SERGEF: variants seen among roughly 807,000 people sequenced by gnomAD.
SERGEF encodes secretion-regulating guanine nucleotide exchange factor.
SERGEF carries 51 observed loss-of-function variants against 50.0 expected under a neutral mutation model. The observed-to-expected ratio is 1.02, with a 90% CI of 0.81 to 1.29. The LOEUF (loss-of-function observed/expected upper bound fraction) is 1.29, where lower values mean the gene tolerates loss of function less well. SERGEF is among the 50% of genes most tolerant of loss of function. The probability of loss-of-function intolerance (pLI) is 0.00; values close to 1 mark genes in which losing one functional copy is unlikely to be tolerated. For missense variants in SERGEF, 521 were observed against 557.0 expected (o/e 0.94, Z 0.65); for synonymous variants, 205 against 212.4 (o/e 0.97, Z 0.30).
At chr11:17,855,008 G>A (rs1850791154) in intron 10 of SERGEF, 1 of 152,178 alleles carries the variant, frequency 6.6e-6, no homozygotes, top group Non-Finnish European at 1.5e-5. Flanking sequence ...TTCACTCAAC[G>A]TTGCATTGCT....
intron 9 of SERGEF, among the ~76,000 whole-genome samples, chr11:17,927,492 A>G (rs905644500): frequency 1.3e-5 from 2 of 152,228 alleles, no homozygotes; most frequent in Non-Finnish European, 2.9e-5. Context: ...AGCAGAGGAA[A>G]AGCACACATA....
intron 10 of SERGEF, among the ~76,000 whole-genome samples, chr11:17,833,422 T>C (rs966446742): frequency 6.6e-6 from 1 of 152,214 alleles, no homozygotes. Flanking sequence ...GGTGGGGTCC[T>C]CATAGAGCAC....
intron 9 of SERGEF, among the ~76,000 whole-genome samples, chr11:17,896,768 G>C (rs1392852792): frequency 1.1e-5 from 1 of 90,212 alleles, no homozygotes; most frequent in Non-Finnish European, 2.4e-5. Context: ...GGGAAGGGAA[G>C]GGTAAGGGAA....
intron 7 of SERGEF, among the ~76,000 whole-genome samples, chr11:17,990,091 T>G (rs532033679): frequency 6.6e-6 from 1 of 152,362 alleles, no homozygotes; most frequent in East Asian, 1.9e-4. Context: ...CACTGCATTT[T>G]GTAGCTTCCC....
At chr11:17,986,030 T>C (rs755703658) in intron 8 of SERGEF, among the ~76,000 whole-genome samples, 5 of 152,222 alleles carry the variant, frequency 3.3e-5, no homozygotes, top group Admixed American at 1.3e-4. Flanking sequence ...CCTCCCAGAA[T>C]GAGACTGAGA....
intron 10 of SERGEF, among the ~76,000 whole-genome samples, chr11:17,803,577 G>A (rs940722398): frequency 3.3e-5 from 5 of 152,146 alleles, no homozygotes; most frequent in East Asian, 1.9e-4. Context: ...TTTTCTAAAC[G>A]AATATGTAAA....
At chr11:17,853,123 G>A (rs1021099355) in intron 10 of SERGEF, among the ~76,000 whole-genome samples, 4 of 152,004 alleles carry the variant, frequency 2.6e-5, no homozygotes, top group African/African-American at 9.7e-5. Flanking sequence ...TTTAATCTCT[G>A]CCCTGATTTC....
chr11:17,799,318 C>T (rs1316122645), intron 10 of SERGEF, among the ~76,000 whole-genome samples: 1 of 152,194 alleles, frequency 6.6e-6, no homozygotes, highest in African/African-American at 2.4e-5. Context: ...CTTGCTGAAC[C>T]CGCGGCCTGC....
chr11:17,791,315 A>G (rs1440275614), intron 10 of SERGEF, among the ~76,000 whole-genome samples: 1 of 152,220 alleles, frequency 6.6e-6, no homozygotes, highest in African/African-American at 2.4e-5. Context: ...GAGTATAGGC[A>G]TTTTTGAAAT....
intron 9 of SERGEF, among the ~76,000 whole-genome samples, chr11:17,938,079 A>G (rs1852490020): frequency 1.3e-5 from 2 of 152,174 alleles, no homozygotes; most frequent in South Asian, 4.1e-4. Context: ...CAAGTAGTAA[A>G]AGCCCCTCTG....
At chr11:18,000,401 A>C in intron 5 of SERGEF, 96 bp downstream of exon 5, 2 of 783,234 alleles carry the variant, frequency 2.6e-6, no homozygotes, top group Non-Finnish European at 4.1e-6. Flanking sequence ...GCAAGCTATG[A>C]TCGAGCCACT....
chr11:17,917,393 C>A (rs1280389914), intron 9 of SERGEF, among the ~76,000 whole-genome samples: 1 of 152,056 alleles, frequency 6.6e-6, no homozygotes, highest in Non-Finnish European at 1.5e-5. Context: ...AAGAATGACA[C>A]AATAGACTTC....
chr11:17,975,341 T>A (rs549104748), intron 8 of SERGEF, among the ~76,000 whole-genome samples: 278 of 152,340 alleles, frequency 1.8e-3, no homozygotes, highest in African/African-American at 6.4e-3. Context: ...GTGCCCTTGA[T>A]AAATGTGAGT....
At chr11:17,818,334 T>C (rs1850018097) in intron 10 of SERGEF, among the ~76,000 whole-genome samples, 1 of 152,198 alleles carries the variant, frequency 6.6e-6, no homozygotes, top group Non-Finnish European at 1.5e-5. Context: ...CAAGCAAATA[T>C]ATTTTCCTTT....
chr11:17,810,914 C>T (rs890271066), intron 10 of SERGEF, among the ~76,000 whole-genome samples: 13 of 152,072 alleles, frequency 8.5e-5, no homozygotes, highest in Non-Finnish European at 1.8e-4. Context: ...AGAGATGATA[C>T]ATTCAAAGGA....
At chr11:17,943,464 T>C (rs996211033) in intron 9 of SERGEF, among the ~76,000 whole-genome samples, 1 of 152,202 alleles carries the variant, frequency 6.6e-6, no homozygotes, top group Non-Finnish European at 1.5e-5. Flanking sequence ...GACCTTGTTT[T>C]TCCTGATAGT....
chr11:17,933,256 A>T (rs1289839330), intron 9 of SERGEF, among the ~76,000 whole-genome samples: 1 of 152,174 alleles, frequency 6.6e-6, no homozygotes, highest in Admixed American at 6.6e-5. Context: ...CTTTCATTTT[A>T]AATGGAGGTT....
At chr11:17,971,005 T>G (rs1590225407) in intron 8 of SERGEF, among the ~76,000 whole-genome samples, 1 of 151,984 alleles carries the variant, frequency 6.6e-6, no homozygotes, top group Non-Finnish European at 1.5e-5. Context: ...CCATCCTGGC[T>G]AACATGGTGA....
intron 10 of SERGEF, among the ~76,000 whole-genome samples, chr11:17,790,791 T>A: frequency 6.6e-6 from 1 of 152,318 alleles, no homozygotes; most frequent in Non-Finnish European, 1.5e-5. Context: ...TTTCCTTAGA[T>A]CTTACCTTTA....
Sources: allele counts gnomAD v4.1 joint callset (sites outside exome capture counted in the v4.1 genomes callset), GRCh38; gene constraint gnomAD v4.1.1; transcripts MANE v1.5; gene names NCBI Gene and HGNC (gene_info 2026-07-23, HGNC 2026-07-21).